The following SPTAN1 variants were observed in gnomAD, a reference collection of about 807,000 sequenced individuals.
The protein encoded by SPTAN1 is spectrin alpha, non-erythrocytic 1, also known as spectrin alpha chain, non-erythrocytic 1.
Under a neutral mutation model 331.3 loss-of-function variants are expected in SPTAN1, and 61 were observed. That is an observed-to-expected ratio of 0.18 (90% CI 0.15 to 0.23). The LOEUF is 0.23. Among genes scored for constraint, SPTAN1 ranks in the 10% least tolerant of loss-of-function variants. The pLI is 1.00. For missense variants in SPTAN1, 2,043 were observed against 3,147.9 expected (o/e 0.65, Z 8.40); for synonymous variants, 1,153 against 1,173.9 (o/e 0.98, Z 0.36).
intron 3 of SPTAN1, among the ~76,000 whole-genome samples, 194 bp downstream of exon 3, chr9:128,569,091 CAG>C (rs1346113979): frequency 6.6e-6 from 1 of 152,132 alleles, no homozygotes; most frequent in East Asian, 1.9e-4. Flanking sequence ...TTTGTATACT[CAG>C]TGAGGAAATT....
At chr9:128,572,014 A>G (rs1255613888) in intron 3 of SPTAN1, among the ~76,000 whole-genome samples, 3 of 152,036 alleles carry the variant, frequency 2.0e-5, no homozygotes, top group Non-Finnish European at 2.9e-5. Context: ...GCACAAGCAC[A>G]CTGAGCTATT....
Position 128,615,768 on chromosome 9 carries a change from G to C in SPTAN1, c.5285G>C (p.Arg1762Pro), listed in dbSNP as rs150427953. ...QKIKSMAASR[R>P]AKLNESHRLH... ...ATCAAGAGCATGGCGGCCTCCCGGC[G>C]AGCCAAGCTGAATGAATCCCATCGC... Residue 1762 changes from arginine to proline, a missense_variant, in exon 41 of 57, where the codon CGA becomes CCA. Arg to Pro is a moderately radical substitution (Grantham distance 103). Transcript: ENST00000372739. 6.2e-7 allele frequency: 1 copy of C among 1,614,108 alleles called. No individual in the cohort carries two copies. The highest frequency in any genetic ancestry group is 8.5e-7 in the Non-Finnish European group (1 of 1,180,054).
Position 128,608,034 on chromosome 9 carries a change from G to C in SPTAN1, c.4329G>C (p.Gln1443His), listed in dbSNP as rs751128580. The change falls in exon 33 of 57, where the codon CAG becomes CAC. Residue 1443 changes from glutamine to histidine, a missense_variant. Around this residue, in one of 12 missense-constraint regions of SPTAN1, gnomAD observed 179 missense variants for 215.7 expected, o/e 0.83. Coordinates refer to ENST00000372739, the MANE Select transcript of SPTAN1 (RefSeq NM_001130438.3). ...AWVQRRMMLD[Q>H]CLELQLFHRD... is the part of the protein sequence containing the mutation. ...TTCAGCGCAGGATGATGCTGGATCA[G>C]TGCCTTGAACTGCAGGTGTGTGTGC... The C allele has an allele frequency of 6.2e-7, 1 of 1,614,178 alleles. No individual in the cohort carries two copies. The highest frequency in any genetic ancestry group is 1.1e-5 in the South Asian group (1 of 91,080).
intron 27 of SPTAN1, 64 bp from the exon 28 acceptor site, chr9:128,603,479 C>G: frequency 6.3e-7 from 1 of 1,579,002 alleles, no homozygotes; most frequent in East Asian, 2.2e-5. Context: ...ATGACACTTG[C>G]AGCTCAGATC....
rs74813851 is a variant in SPTAN1 at position 128,587,463 on chromosome 9, T to C, written c.2779-143T>C. ...TCCTGAAAAACTTTGAAAATGATATTAGCACTGTAAGAAGGGCAGGAGGTG... is the reference window on the plus strand; with the variant it reads ...TCCTGAAAAACTTTGAAAATGATATCAGCACTGTAAGAAGGGCAGGAGGTG... On this transcript the variant is annotated intron_variant, in intron 19 of 56. Coordinates refer to ENST00000372739, the MANE Select transcript of SPTAN1 (RefSeq NM_001130438.3). The C allele has an allele frequency of 9.2e-3, 6,640 of 717,884 alleles. 273 individuals carry two copies. The African/African-American group carries it at 0.094, about 10-fold the overall frequency. 44.5% of individuals were successfully genotyped at this position (717,884 alleles called of 1,614,324 possible).
chr9:128,592,212 G>A (rs1853629331), intron 22 of SPTAN1, among the ~76,000 whole-genome samples: 1 of 151,962 alleles, frequency 6.6e-6, no homozygotes, highest in African/African-American at 2.4e-5. Flanking sequence ...TAAGATCAGA[G>A]TTATTTGTCC....
At position 128,629,554 on chromosome 9, in the gene SPTAN1, C is replaced by T. The variant is rs572487840; in HGVS notation, c.6708-767C>T. The T allele has an allele frequency of 1.8e-4, 36 of 205,022 alleles. 1 individual carries two copies. Among genetic ancestry groups the T allele is most frequent in the African/African-American group, 8.3e-4 (36 of 43,626 alleles). The allele number at this position is 205,022 out of a possible 1,614,324, so 12.7% of individuals were successfully genotyped here. A position where few individuals can be genotyped will look rare whatever the true frequency, so the allele number is the denominator to read the frequency against. On this transcript the variant is annotated intron_variant, in intron 51 of 56. Coordinates refer to ENST00000372739, the MANE Select transcript of SPTAN1 (RefSeq NM_001130438.3). The surrounding 1 kb of genome is among the most constrained non-coding windows in gnomAD (Gnocchi z 4.9). ...GGGCTAAAACCCCACCAAGGCCACACGCACCGTGTGATTCGTCCCTGCACG... is the reference window on the plus strand; with the variant it reads ...GGGCTAAAACCCCACCAAGGCCACATGCACCGTGTGATTCGTCCCTGCACG...
intron 51 of SPTAN1, 81 bp from the exon 52 acceptor site, chr9:128,630,240 G>C (rs1564325447): frequency 6.7e-7 from 1 of 1,489,624 alleles, no homozygotes; most frequent in African/African-American, 1.4e-5. Context: ...GCCAGGCATT[G>C]CTCTCTCTGA....
rs576282467 is a variant in SPTAN1, at chr9:128,595,105, C to T, written c.3414+732C>T. On this transcript the variant is annotated intron_variant, in intron 24 of 56. Transcript: ENST00000372739. ...GATAACAGGCGTAAGCCACCGTGCCCGGCCTCAGTTTTTTTTTTGTTCAAG... is the reference window on the plus strand; with the variant it reads ...GATAACAGGCGTAAGCCACCGTGCCTGGCCTCAGTTTTTTTTTTGTTCAAG... Among the ~76,000 whole-genome samples the T allele has an allele frequency of 6.4e-3, 942 of 146,300 alleles. 8 individuals carry two copies. The highest frequency in any genetic ancestry group is 0.022 in the African/African-American group (864 of 39,202).
rs530477553 is a variant in SPTAN1 at position 128,598,148 on chromosome 9, A to G, written c.3415-252A>G. On this transcript the variant is annotated intron_variant, in intron 24 of 56. Coordinates refer to ENST00000372739, the MANE Select transcript of SPTAN1 (RefSeq NM_001130438.3). ...TTTTCAGTAGGGACAGGGTTTCTCC[A>G]TGTTGGTTAGGTTGGTCTCGAACTC... 4.1e-5 allele frequency among the ~76,000 whole-genome samples: 6 copies of G among 147,676 alleles called. No homozygotes were observed. In the East Asian group the frequency reaches 1.2e-3, roughly 30 times the overall value.
chr9:128,609,287 A>C lies in SPTAN1; in HGVS notation c.4758+3A>C, dbSNP rs774108521. 1.1e-5 allele frequency: 17 copies of C among 1,614,138 alleles called. No individual in the cohort carries two copies. The highest frequency in any genetic ancestry group is 1.4e-5 in the Non-Finnish European group (17 of 1,180,050). ...ACAAGGATCCCACCAACATCCAGGT[A>C]AGCTGAAGTGACTGGGTGTTGGTCT... On this transcript the variant is annotated splice_donor_region_variant and intron_variant, in intron 36 of 56. Transcript: ENST00000372739.
chr9:128,590,551 AAAG>A lies in SPTAN1; in HGVS notation c.3007-923_3007-921del, dbSNP rs1459736529. ...AGACCTCATCTCTATTTATATTAAAAAAGAAAAAAAAAAAAAAGGGCCAGGCGT... is the reference window on the plus strand; with the variant it reads ...AGACCTCATCTCTATTTATATTAAAAAAAAAAAAAAAAAAGGGCCAGGCGT... On this transcript the variant is annotated intron_variant, in intron 21 of 56. Transcript: ENST00000372739. Among the ~76,000 whole-genome samples the A allele has an allele frequency of 3.1e-4, 46 of 146,504 alleles. 1 individual carries two copies. The highest frequency in any genetic ancestry group is 4.4e-4 in the South Asian group (2 of 4,554).
At chr9:128,576,783 A>C in intron 5 of SPTAN1, 40 bp from the exon 6 acceptor site, 1 of 1,611,218 alleles carries the variant, frequency 6.2e-7, no homozygotes, top group South Asian at 1.1e-5. Context: ...GAGGAGCCAG[A>C]AGTTGTGTAC....
chr9:128,594,276 G>A lies in SPTAN1; in HGVS notation c.3317G>A (p.Trp1106Ter). The A allele has an allele frequency of 6.2e-7, 1 of 1,614,098 alleles. No homozygotes were observed. Residue 1106 changes from tryptophan (W) to a stop codon, truncating the protein, a stop_gained, in exon 24 of 57, where the codon TGG (tryptophan) becomes TAG (stop). Transcript: ENST00000372739. LOFTEE classifies it high-confidence loss of function. Reference protein sequence around the residue: ...LFREANELQQWINEKEAALTS... With the variant: ...LFREANELQQ ...CGTGAAGCGAATGAACTACAGCAATGGATCAATGAGAAGGAAGCCGCTCTG... is the reference window on the plus strand; with the variant it reads ...CGTGAAGCGAATGAACTACAGCAATAGATCAATGAGAAGGAAGCCGCTCTG...
At chr9:128,561,338 A>G (rs187102260) in intron 1 of SPTAN1, among the ~76,000 whole-genome samples, 113 of 143,502 alleles carry the variant, frequency 7.9e-4, no homozygotes, top group African/African-American at 2.8e-3. Flanking sequence ...CACCACTGCA[A>G]TCCAGCCTGG....
At chr9:128,626,882 ATGGCTCC>A in intron 49 of SPTAN1, 195 bp downstream of exon 49, 1 of 685,268 alleles carries the variant, frequency 1.5e-6, no homozygotes, top group Non-Finnish European at 2.5e-6. Flanking sequence ...TGGTGCTACC[ATGGCTCC>A]CTGTAGCCTC....
chr9:128,593,377 T>C, intron 23 of SPTAN1: 1 of 371,916 alleles, frequency 2.7e-6, no homozygotes, highest in South Asian at 2.9e-5. Context: ...AAGGAAATCA[T>C]ATGCTTCTCT....
Position 128,600,136 on chromosome 9 carries a change from T to C in SPTAN1, c.3579+21T>C, listed in dbSNP as rs183713949. 11 of 1,613,356 alleles carry C rather than the reference T, an allele frequency of 6.8e-6. No homozygotes were observed. The Admixed American group carries it at 1.5e-4, about 22-fold the overall frequency. ...GGAAGGTAAGAACTCCTTTGCAAAT[T>C]ATTGTTTTCAAGAGTTTTGCGAGAT... On this transcript the variant is annotated intron_variant, in intron 27 of 56. Transcript: ENST00000372739.
intron 2 of SPTAN1, among the ~76,000 whole-genome samples, chr9:128,568,329 C>T (rs999717271): frequency 6.6e-6 from 1 of 152,042 alleles, no homozygotes; most frequent in Non-Finnish European, 1.5e-5. Context: ...AGTCTGGCCT[C>T]TAAAGCAAGT....
Sources: gnomAD v4.1 joint callset for allele counts (sites outside exome capture counted in the v4.1 genomes callset) on GRCh38, gnomAD v4.1.1 for gene constraint, gnomAD v4.1.1 regional missense constraint, Gnocchi (gnomAD v3.1) non-coding constraint, MANE v1.5 for transcripts, NCBI Gene and HGNC (gene_info 2026-07-23, HGNC 2026-07-21) for gene names.